Variants in SPATA7 observed in about 807,000 individuals in gnomAD.
The protein encoded by SPATA7 is spermatogenesis-associated protein 7.
SPATA7 carries 43 observed loss-of-function variants against 51.8 expected under a neutral mutation model. The observed-to-expected ratio is 0.83, with a 90% CI of 0.65 to 1.07. The LOEUF (loss-of-function observed/expected upper bound fraction) is 1.07. SPATA7 is among the 50% of genes least tolerant of loss of function. The probability of loss-of-function intolerance (pLI) is 0.00; values close to 1 mark genes in which losing one functional copy is unlikely to be tolerated. For missense variants in SPATA7, 683 were observed against 701.3 expected (o/e 0.97, Z 0.30); for synonymous variants, 230 against 252.8 (o/e 0.91, Z 0.86).
At chr14:88,448,018 C>T (rs997943485) in intron 3 of SPATA7, among the ~76,000 whole-genome samples, 7 of 151,514 alleles carry the variant, frequency 4.6e-5, no homozygotes, top group Non-Finnish European at 8.8e-5. Context: ...TTTCCTGAAT[C>T]TGAACGTTGG....
In SPATA7 at chr14:88,437,833, C is replaced by A. The variant is rs1310691115; in HGVS notation, c.1216-5C>A. On this transcript the variant is annotated splice_polypyrimidine_tract_variant and splice_region_variant and intron_variant, in intron 11 of 11. Transcript: ENST00000393545. Reference sequence around the variant, plus strand: ...GTAATTAGTCTCATCTTTTCTTAATCCTAGGAAAAAATGCGCCACCTGCTG... The same window carrying A: ...GTAATTAGTCTCATCTTTTCTTAATACTAGGAAAAAATGCGCCACCTGCTG... 2 of 1,585,192 alleles carry A rather than the reference C, an allele frequency of 1.3e-6. No homozygotes were observed. The highest frequency in any genetic ancestry group is 2.7e-5 in the African/African-American group (2 of 73,132).
chr14:88,394,325 C>T (rs1211597071), intron 3 of SPATA7, among the ~76,000 whole-genome samples: 2 of 152,122 alleles, frequency 1.3e-5, no homozygotes, highest in African/African-American at 4.8e-5. Flanking sequence ...CCGTCAGTCC[C>T]CTCCTGACAA....
rs566241861 is a variant in SPATA7, at chr14:88,423,457, G to A, written c.373-2775G>A. On this transcript the variant is annotated intron_variant, in intron 5 of 11. Transcript: ENST00000393545. ...TGTTGTCCCAGCTACTCAGGAGGCT[G>A]AGGCAGGCAGATTAATTGAGCCCAG... Among the ~76,000 whole-genome samples, 120 of 151,012 alleles carry A rather than the reference G, an allele frequency of 7.9e-4. 3 individuals carry two copies. Among genetic ancestry groups the A allele is most frequent in the Non-Finnish European group, 2.2e-4 (15 of 67,830 alleles).
At chr14:88,418,754 G>GT (rs1016069121) in intron 5 of SPATA7, among the ~76,000 whole-genome samples, 3 of 152,126 alleles carry the variant, frequency 2.0e-5, no homozygotes, top group African/African-American at 7.2e-5. Context: ...GATTACAGGC[G>GT]TGAGCCACCA....
chr14:88,393,516 G>C, intron 3 of SPATA7, 28 bp downstream of exon 3: 2 of 1,502,430 alleles, frequency 1.3e-6, no homozygotes, highest in Non-Finnish European at 1.8e-6. Flanking sequence ...TGAACTCTCT[G>C]TACTCAATTT....
intron 4 of SPATA7, among the ~76,000 whole-genome samples, chr14:88,410,081 A>G (rs1022824203): frequency 6.6e-6 from 1 of 152,178 alleles, no homozygotes; most frequent in African/African-American, 2.4e-5. Context: ...TTTGGGATGG[A>G]GAGTTCTGTA....
chr14:88,460,685 G>A (rs549149451), intron 4 of SPATA7, among the ~76,000 whole-genome samples: 4 of 152,048 alleles, frequency 2.6e-5, no homozygotes, highest in South Asian at 2.1e-4. Context: ...AAGTTTGATC[G>A]TCTGAAGCCT....
intron 4 of SPATA7, among the ~76,000 whole-genome samples, chr14:88,461,484 C>G (rs925591792): frequency 6.6e-6 from 1 of 152,184 alleles, no homozygotes; most frequent in African/African-American, 2.4e-5. Flanking sequence ...GAGTGAGTAT[C>G]TGTGGGCGTG....
intron 4 of SPATA7, among the ~76,000 whole-genome samples, chr14:88,396,853 ATTTTC>A (rs1021454731): frequency 1.4e-5 from 2 of 141,878 alleles, no homozygotes; most frequent in East Asian, 2.1e-4. Flanking sequence ...CTACCATACT[ATTTTC>A]TTTTCTTTTC....
In SPATA7 at chr14:88,426,349, T is replaced by G. The variant is rs2076791853; in HGVS notation, c.490T>G (p.Ser164Ala). ...GAGACTACACCTAAGTCTACATAAA[T>G]CCAGTAAAGTCATCACAAATGGTCC... ...SERLHLSLHK[S>A]SKVITNGPEK... The change falls in exon 6 of 12, where the codon TCC (serine) becomes GCC (alanine). Residue 164 changes from serine (S) to alanine (A), a missense_variant. Physicochemically the swap from Ser to Ala is moderately conservative, Grantham distance 99. Transcript: ENST00000393545. 6.2e-7 allele frequency: 1 copy of G among 1,613,962 alleles called. No homozygotes were observed. The highest frequency in any genetic ancestry group is 1.3e-5 in the African/African-American group (1 of 74,898).
At position 88,469,948 on chromosome 14, in the gene SPATA7, T is replaced by A; in HGVS notation, c.*81T>A. On this transcript the variant is annotated 3_prime_UTR_variant, in exon 5 of 5. Transcript: ENST00000556406. This position sits in a 1 kb window ranked among gnomAD's most constrained non-coding sequence, Gnocchi z 4.3. ...TCTTCTGCTGTCACCATTGCTATAA[T>A]TGCAATTCCCTGTTCCCATACCATC... 6.2e-7 allele frequency: 1 copy of A among 1,614,136 alleles called. No individual in the cohort carries two copies. The highest frequency in any genetic ancestry group is 8.5e-7 in the Non-Finnish European group (1 of 1,180,020).
chr14:88,414,970 C>T (rs550296219), intron 4 of SPATA7, among the ~76,000 whole-genome samples: 6 of 152,132 alleles, frequency 3.9e-5, no homozygotes, highest in East Asian at 3.9e-4. Flanking sequence ...GCTTTGTCTT[C>T]GAGCATGTGG....
chr14:88,415,251 A>G (rs1462362292), intron 4 of SPATA7: 3 of 366,000 alleles, frequency 8.2e-6, no homozygotes, highest in Non-Finnish European at 1.7e-5. Context: ...GTTGGGTGCA[A>G]ATATACCTAG....
chr14:88,458,401 A>C (rs1384955140), downstream of SPATA7, among the ~76,000 whole-genome samples: 1 of 151,932 alleles, frequency 6.6e-6, no homozygotes, highest in Non-Finnish European at 1.5e-5. Context: ...TCAATTTCAG[A>C]TCCTGTTATT....
chr14:88,461,028 T>C (rs1231593479), intron 4 of SPATA7, among the ~76,000 whole-genome samples: 1 of 152,238 alleles, frequency 6.6e-6, no homozygotes, highest in Non-Finnish European at 1.5e-5. Context: ...ACAGCACATA[T>C]TGCTGAACAG....
intron 9 of SPATA7, 51 bp from the exon 10 acceptor site, chr14:88,433,084 C>T: frequency 7.1e-7 from 1 of 1,414,902 alleles, no homozygotes; most frequent in Non-Finnish European, 9.9e-7. Context: ...TTACAGTTTT[C>T]AGAATAAGTA....
Position 88,469,992 on chromosome 14 carries a change from G to GTATTCT in SPATA7, c.*126_*131dup, listed in dbSNP as rs755412461. 8 of 1,613,368 alleles carry GTATTCT rather than the reference G, an allele frequency of 5.0e-6. No individual in the cohort carries two copies. Among genetic ancestry groups the GTATTCT allele is most frequent in the Non-Finnish European group, 6.8e-6 (8 of 1,179,396 alleles). ...TACCATCTGCCAAAAATCTTGACAG[G>GTATTCT]TATTCTGTAATGGTCCCTGTGTGGC... On this transcript the variant is annotated 3_prime_UTR_variant, in exon 5 of 5. Coordinates refer to the SPATA7 transcript ENST00000556406. The surrounding 1 kb of genome is among the most constrained non-coding windows in gnomAD (Gnocchi z 4.3).
intron 4 of SPATA7, chr14:88,468,000 A>T: frequency 8.8e-7 from 1 of 1,135,406 alleles, no homozygotes; most frequent in East Asian, 2.4e-5. Context: ...GCGTGCCGCC[A>T]TTCAGACTGC....
intron 3 of SPATA7, among the ~76,000 whole-genome samples, chr14:88,449,681 GTCCCCCACTAT>G (rs1342477306): frequency 6.3e-4 from 96 of 152,166 alleles, no homozygotes; most frequent in Non-Finnish European, 3.5e-4. Flanking sequence ...GAGTATTGAA[GTCCCCCACTAT>G]TACTGTATTA....
Sources: allele counts gnomAD v4.1 joint callset (sites outside exome capture counted in the v4.1 genomes callset), GRCh38; gene constraint gnomAD v4.1.1; non-coding constraint Gnocchi (gnomAD v3.1); transcripts MANE v1.5; gene names NCBI Gene and HGNC (gene_info 2026-07-23, HGNC 2026-07-21).